Variants in TMEM38B observed in about 807,000 individuals in gnomAD.
TMEM38B encodes the protein transmembrane protein 38B, also known as trimeric intracellular cation channel type B.
In TMEM38B, 24 loss-of-function variants were observed where a neutral mutation model predicts 28.7. The ratio of observed to expected loss-of-function variants is 0.84; its 90% CI spans 0.61 to 1.18. The LOEUF is 1.18. Among genes scored for constraint, TMEM38B ranks in the 50% most tolerant of loss-of-function variants. The pLI, the probability that TMEM38B is intolerant of heterozygous loss-of-function variation, is 0.00. For synonymous variants in TMEM38B, 131 were observed against 127.7 expected (o/e 1.03, Z -0.17); for missense variants, 380 against 350.9 (o/e 1.08, Z -0.66).
At chr9:105,733,389 A>G (rs1836840342) in intron 4 of TMEM38B, among the ~76,000 whole-genome samples, 2 of 149,090 alleles carry the variant, frequency 1.3e-5, no homozygotes, top group Non-Finnish European at 3.0e-5. Context: ...ATCAATTTTC[A>G]TGAGAGATAT....
At chr9:105,728,976 A>G (rs186022613) in intron 4 of TMEM38B, among the ~76,000 whole-genome samples, 1 of 152,118 alleles carries the variant, frequency 6.6e-6, no homozygotes, top group Non-Finnish European at 1.5e-5. Context: ...GATTCTGGAT[A>G]TTAGCACTTT....
intron 5 of TMEM38B, chr9:105,758,630 G>C (rs1304431057): frequency 2.4e-6 from 2 of 823,610 alleles, no homozygotes; most frequent in African/African-American, 3.4e-5. Context: ...GTACTAACCA[G>C]CTCTTCAGAT....
intron 4 of TMEM38B, among the ~76,000 whole-genome samples, chr9:105,742,236 A>G (rs1350974763): frequency 6.6e-6 from 1 of 152,224 alleles, no homozygotes; most frequent in Non-Finnish European, 1.5e-5. Flanking sequence ...ACTTCATGGT[A>G]GGAGCTACAG....
chr9:105,695,942 A>G (rs1458092622), intron 1 of TMEM38B, among the ~76,000 whole-genome samples: 1 of 152,228 alleles, frequency 6.6e-6, no homozygotes, highest in Non-Finnish European at 1.5e-5. Context: ...TGTTGCTACT[A>G]CATGTTCAGA....
Position 105,705,623 on chromosome 9 carries a change from C to G in TMEM38B, c.139C>G (p.Pro47Ala). ...PGAAALAWKNPISSWFTAMLH... is the reference protein window; with the variant it reads ...PGAAALAWKNAISSWFTAMLH... ...AGCAGCTGCATTGGCATGGAAGAAT[C>G]CTATTTCAAGCTGGTTTACTGCTAT... The change falls in exon 2 of 6, where the codon CCT (proline) becomes GCT (alanine). Residue 47 changes from proline to alanine, a missense_variant. Physicochemically the swap from Pro to Ala is conservative, Grantham distance 27. Transcript: ENST00000374692. 6.2e-7 allele frequency: 1 copy of G among 1,613,802 alleles called. No homozygotes were observed. The highest frequency in any genetic ancestry group is 8.5e-7 in the Non-Finnish European group (1 of 1,179,854).
At chr9:105,699,488 A>G (rs983740206) in intron 1 of TMEM38B, among the ~76,000 whole-genome samples, 3 of 152,156 alleles carry the variant, frequency 2.0e-5, no homozygotes, top group African/African-American at 4.8e-5. Flanking sequence ...CTTTCCCACC[A>G]TTTATATCGG....
intron 4 of TMEM38B, among the ~76,000 whole-genome samples, chr9:105,746,434 T>C (rs1334190982): frequency 6.6e-6 from 1 of 152,240 alleles, no homozygotes; most frequent in Non-Finnish European, 1.5e-5. Flanking sequence ...TTTTGTATCC[T>C]GAGACTTTGC....
chr9:105,767,032 T>C (rs1377894290), intron 5 of TMEM38B, among the ~76,000 whole-genome samples: 3 of 152,058 alleles, frequency 2.0e-5, no homozygotes, highest in Admixed American at 6.6e-5. Flanking sequence ...AGAATGATGG[T>C]TTCCAGCTTC....
intron 5 of TMEM38B, among the ~76,000 whole-genome samples, chr9:105,755,545 A>G (rs578255776): frequency 1.3e-5 from 2 of 152,338 alleles, no homozygotes; most frequent in East Asian, 1.9e-4. Flanking sequence ...ACTATTCTGG[A>G]TCACTACCAT....
intron 1 of TMEM38B, among the ~76,000 whole-genome samples, chr9:105,697,322 T>C (rs1027435412): frequency 4.6e-5 from 7 of 152,218 alleles, no homozygotes; most frequent in South Asian, 2.1e-4. Context: ...TGAATACTTA[T>C]ATAGTATCAT....
chr9:105,739,238 C>T (rs531214960), intron 4 of TMEM38B, among the ~76,000 whole-genome samples: 2 of 150,578 alleles, frequency 1.3e-5, no homozygotes, highest in South Asian at 2.1e-4. Flanking sequence ...AGTGCCATAC[C>T]ATTTTGATTA....
chr9:105,704,504 C>T (rs1835579761), intron 1 of TMEM38B, among the ~76,000 whole-genome samples: 1 of 151,792 alleles, frequency 6.6e-6, no homozygotes, highest in South Asian at 2.1e-4. Context: ...GTTTTTTTGA[C>T]TTTGACATTT....
chr9:105,718,223 A>G lies in TMEM38B; in HGVS notation c.270-3314A>G, dbSNP rs1297092181. The stretch of plus-strand genomic sequence containing the variant: ...TTTTCATATTTAGAACAAATTTGTA[A>G]TCTTTGCTTCATTTGAGGTTTTTTT... On this transcript the variant is annotated intron_variant, in intron 2 of 5. Transcript: ENST00000374692. Among the ~76,000 whole-genome samples, 3 of 151,002 alleles carry G rather than the reference A, an allele frequency of 2.0e-5. No homozygotes were observed. The East Asian group carries it at 5.8e-4, about 29-fold the overall frequency.
intron 4 of TMEM38B, among the ~76,000 whole-genome samples, chr9:105,743,777 C>G (rs1265364160): frequency 6.6e-6 from 1 of 152,086 alleles, no homozygotes; most frequent in Non-Finnish European, 1.5e-5. Flanking sequence ...TGCTAAAAAT[C>G]CGGGCTTTCT....
chr9:105,759,550 T>C, intron 5 of TMEM38B: 1 of 1,561,512 alleles, frequency 6.4e-7, no homozygotes, highest in South Asian at 1.1e-5. Flanking sequence ...GCATGATCTG[T>C]CCTCTAATAG....
intron 1 of TMEM38B, among the ~76,000 whole-genome samples, chr9:105,704,648 G>A (rs1257258866): frequency 1.3e-5 from 2 of 151,838 alleles, no homozygotes; most frequent in Non-Finnish European, 2.9e-5. Flanking sequence ...AGAAGTGGCC[G>A]GGCTCGGTGG....
chr9:105,765,933 A>G (rs879349797), intron 5 of TMEM38B, among the ~76,000 whole-genome samples: 1 of 151,834 alleles, frequency 6.6e-6, no homozygotes, highest in African/African-American at 2.4e-5. Flanking sequence ...TCTCGAGTAG[A>G]TGGGAATATA....
At chr9:105,741,654 T>C (rs1194556482) in intron 4 of TMEM38B, among the ~76,000 whole-genome samples, 1 of 152,202 alleles carries the variant, frequency 6.6e-6, no homozygotes, top group Non-Finnish European at 1.5e-5. Flanking sequence ...TGAATGTGGA[T>C]GTTTTTGCTG....
intron 1 of TMEM38B, chr9:105,701,484 GA>G (rs556531164): frequency 6.6e-6 from 1 of 152,138 alleles, no homozygotes; most frequent in South Asian, 2.1e-4. Context: ...TTAATAGGAA[GA>G]AAAAAGCATT....
Sources: gnomAD v4.1 joint callset for allele counts (sites outside exome capture counted in the v4.1 genomes callset) on GRCh38, gnomAD v4.1.1 for gene constraint, MANE v1.5 for transcripts, NCBI Gene and HGNC (gene_info 2026-07-23, HGNC 2026-07-21) for gene names.